MAP3K13: variants seen among roughly 807,000 people sequenced by gnomAD.
MAP3K13 encodes mitogen-activated protein kinase kinase kinase 13, also known as leucine zipper-bearing kinase.
MAP3K13 carries 52 observed loss-of-function variants against 104.0 expected under a neutral mutation model. The observed-to-expected ratio is 0.50, with a 90% CI of 0.40 to 0.63. The LOEUF is 0.63. Among genes scored for constraint, MAP3K13 ranks in the 20% least tolerant of loss-of-function variants. The pLI, the probability that MAP3K13 is intolerant of heterozygous loss-of-function variation, is 0.00. For missense variants in MAP3K13, 914 were observed against 1,218.5 expected, an observed-to-expected ratio of 0.75 and a Z score of 3.72; for synonymous variants, 394 against 442.2, an observed-to-expected ratio of 0.89 and a Z score of 1.37.
At chr3:185,414,493 C>T (rs567526530) in intron 1 of MAP3K13, among the ~76,000 whole-genome samples, 1 of 152,304 alleles carries the variant, frequency 6.6e-6, no homozygotes, top group East Asian at 1.9e-4. Context: ...CCAGTCACTG[C>T]TCCCTCCGAA....
At chr3:185,293,564 A>G (rs1720819968) in intron 2 of MAP3K13, among the ~76,000 whole-genome samples, 2 of 152,030 alleles carry the variant, frequency 1.3e-5, no homozygotes, top group South Asian at 4.1e-4. Context: ...AGCTGGGACT[A>G]CAGGCACATG....
chr3:185,355,466 C>CA (rs10554957), intron 2 of MAP3K13, among the ~76,000 whole-genome samples: 163 of 135,966 alleles, frequency 1.2e-3, no homozygotes, highest in Middle Eastern at 3.8e-3. Context: ...AACTCTGTCT[C>CA]AAAAAAAAAA....
chr3:185,380,202 C>CAAAACA (rs545416651), intron 1 of MAP3K13, among the ~76,000 whole-genome samples: 3 of 150,498 alleles, frequency 2.0e-5, no homozygotes, highest in African/African-American at 7.3e-5. Flanking sequence ...CAAAACAAAA[C>CAAAACA]AAAAAAACAG....
intron 2 of MAP3K13, among the ~76,000 whole-genome samples, chr3:185,330,149 C>T (rs543200890): frequency 5.2e-4 from 78 of 150,320 alleles, no homozygotes; most frequent in African/African-American, 1.8e-3. Flanking sequence ...GATCCACCCG[C>T]CTCGGCCTCC....
intron 1 of MAP3K13, among the ~76,000 whole-genome samples, chr3:185,385,064 T>C (rs1216352828): frequency 1.3e-5 from 2 of 152,328 alleles, no homozygotes; most frequent in East Asian, 3.9e-4. Context: ...CTAGTAGTTT[T>C]ATAGTTTCAG....
intron 2 of MAP3K13, among the ~76,000 whole-genome samples, chr3:185,341,140 A>C (rs542205866): frequency 6.6e-6 from 1 of 152,374 alleles, no homozygotes; most frequent in African/African-American, 2.4e-5. Flanking sequence ...CCAGAACTTC[A>C]AAATGTGACC....
chr3:185,398,629 T>C (rs1006737870), intron 1 of MAP3K13, among the ~76,000 whole-genome samples: 1 of 152,156 alleles, frequency 6.6e-6, no homozygotes, highest in African/African-American at 2.4e-5. Context: ...ATAAGGAAGA[T>C]GTTATCTTTA....
intron 2 of MAP3K13, chr3:185,291,682 C>T: frequency 1.3e-6 from 2 of 1,530,574 alleles, no homozygotes; most frequent in Non-Finnish European, 1.7e-6. Context: ...GTTTGAATAA[C>T]CTCATCAAGA....
intron 1 of MAP3K13, chr3:185,283,207 T>A (rs1428415455): frequency 3.3e-5 from 5 of 152,444 alleles, no homozygotes; most frequent in African/African-American, 1.2e-4. Context: ...TGGAGAACTC[T>A]TGGGAACTTG....
intron 3 of MAP3K13, among the ~76,000 whole-genome samples, chr3:185,441,139 A>T (rs962822552): frequency 6.6e-6 from 1 of 152,210 alleles, no homozygotes; most frequent in Non-Finnish European, 1.5e-5. Context: ...TCTAGTTGTG[A>T]TTAGGACAAG....
chr3:185,375,396 G>C (rs747495099), intron 1 of MAP3K13, among the ~76,000 whole-genome samples: 14 of 152,318 alleles, frequency 9.2e-5, no homozygotes, highest in African/African-American at 3.4e-4. Flanking sequence ...GGAACACTGA[G>C]AAGTGATTTC....
At chr3:185,291,647 T>C (rs1436886483) in intron 2 of MAP3K13, 3 of 1,532,594 alleles carry the variant, frequency 2.0e-6, no homozygotes, top group Non-Finnish European at 2.6e-6. Context: ...CCATGGCCTA[T>C]CATCATTATG....
chr3:185,388,946 G>A lies in MAP3K13; in HGVS notation c.-86+25578G>A, dbSNP rs184175018. On this transcript the variant is annotated intron_variant, in intron 1 of 13. Transcript: ENST00000265026. The stretch of plus-strand genomic sequence containing the variant: ...ACACCTTAAAATTTGTGTCATATTC[G>A]TTCTTTCAGAGGTACCTCTTTTTTA... Among the ~76,000 whole-genome samples the A allele has an allele frequency of 1.8e-4, 27 of 152,114 alleles. No homozygotes were observed. In the East Asian group the frequency reaches 2.5e-3, roughly 14 times the overall value.
At chr3:185,344,753 C>T (rs549052575) in intron 2 of MAP3K13, among the ~76,000 whole-genome samples, 13 of 152,316 alleles carry the variant, frequency 8.5e-5, no homozygotes, top group Non-Finnish European at 1.5e-4. Context: ...CTGTTTCCCA[C>T]AGTGGCTGTT....
At chr3:185,453,611 A>C (rs1204855439) in intron 7 of MAP3K13, among the ~76,000 whole-genome samples, 1 of 151,660 alleles carries the variant, frequency 6.6e-6, no homozygotes, top group East Asian at 1.9e-4. Context: ...TCTACTAAAA[A>C]TACAAAAATT....
chr3:185,442,142 G>A (rs750994378), intron 3 of MAP3K13, among the ~76,000 whole-genome samples: 7 of 151,516 alleles, frequency 4.6e-5, no homozygotes, highest in Admixed American at 1.3e-4. Flanking sequence ...GGAGGCAGAG[G>A]TTGCACCACT....
chr3:185,454,885 T>C (rs547398417), intron 7 of MAP3K13, among the ~76,000 whole-genome samples: 1,954 of 65,928 alleles, frequency 0.03, 74 homozygotes, highest in South Asian at 0.076. Flanking sequence ...ATATATATGA[T>C]ATATATATGA....
At chr3:185,313,051 G>T (rs1435874690) in intron 2 of MAP3K13, among the ~76,000 whole-genome samples, 1 of 151,850 alleles carries the variant, frequency 6.6e-6, no homozygotes, top group African/African-American at 2.4e-5. Context: ...TTAGCCAGGC[G>T]TGGTGGTGTG....
chr3:185,401,130 T>C (rs1399031772), intron 1 of MAP3K13, among the ~76,000 whole-genome samples: 1 of 152,166 alleles, frequency 6.6e-6, no homozygotes, highest in Non-Finnish European at 1.5e-5. Context: ...CAGTTTTCAT[T>C]TGATGGTAAA....
Sources: gnomAD v4.1 joint callset for allele counts (sites outside exome capture counted in the v4.1 genomes callset) on GRCh38, gnomAD v4.1.1 for gene constraint, MANE v1.5 for transcripts, NCBI Gene and HGNC (gene_info 2026-07-23, HGNC 2026-07-21) for gene names.